Variants in GPC6 observed in about 807,000 individuals in gnomAD.
The protein encoded by GPC6 is glypican-6.
A neutral mutation model predicts 55.2 loss-of-function variants in GPC6; 14 were observed. That is an observed-to-expected ratio of 0.25 (90% confidence interval 0.17 to 0.40). GPC6 has a LOEUF of 0.40. Ranked by LOEUF, GPC6 falls within the 10% of genes least tolerant of loss-of-function variation. GPC6 has a pLI of 1.00. For missense variants in GPC6, 641 were observed against 708.5 expected (o/e 0.90, Z 1.08); for synonymous variants, 278 against 259.6 (o/e 1.07, Z -0.68).
chr13:93,309,590 T>C (rs971113241), intron 1 of GPC6, among the ~76,000 whole-genome samples: 3 of 152,208 alleles, frequency 2.0e-5, no homozygotes, highest in Admixed American at 2.0e-4. Flanking sequence ...TTAAAGTATA[T>C]ACACTTTAGT....
chr13:93,322,085 A>C (rs75587549), intron 1 of GPC6, among the ~76,000 whole-genome samples: 2,416 of 152,328 alleles, frequency 0.016, 65 homozygotes, highest in African/African-American at 0.055. Flanking sequence ...TACATGCCCC[A>C]AATTGTTATT....
At chr13:93,773,258 A>G (rs1355764467) in intron 2 of GPC6, among the ~76,000 whole-genome samples, 1 of 152,202 alleles carries the variant, frequency 6.6e-6, no homozygotes, top group African/African-American at 2.4e-5. Flanking sequence ...ACTCTCTTTA[A>G]TAATACAATG....
intron 2 of GPC6, among the ~76,000 whole-genome samples, chr13:93,676,129 ATATATAT>A (rs1881605979): frequency 4.1e-3 from 30 of 7,230 alleles, no homozygotes; most frequent in East Asian, 0.015. Context: ...AAAAAAAAAT[ATATATAT>A]ATATATATAT....
chr13:93,989,930 A>ATG (rs1555346861), intron 3 of GPC6, among the ~76,000 whole-genome samples: 36 of 103,354 alleles, frequency 3.5e-4, no homozygotes, highest in South Asian at 1.8e-3. Flanking sequence ...ATATATATAT[A>ATG]TGTATATATA....
chr13:93,708,301 T>A (rs959398634), intron 2 of GPC6, among the ~76,000 whole-genome samples: 1 of 151,826 alleles, frequency 6.6e-6, no homozygotes, highest in African/African-American at 2.4e-5. Flanking sequence ...ATTTTCAATG[T>A]ACTGGCATAT....
chr13:94,329,010 AG>A (rs1877274872), intron 6 of GPC6, among the ~76,000 whole-genome samples: 1 of 152,124 alleles, frequency 6.6e-6, no homozygotes, highest in Non-Finnish European at 1.5e-5. Flanking sequence ...TCAACTCTGG[AG>A]CTCCTGAGGA....
intron 2 of GPC6, among the ~76,000 whole-genome samples, chr13:93,756,827 T>C (rs1389126156): frequency 1.3e-5 from 2 of 152,158 alleles, no homozygotes; most frequent in Non-Finnish European, 2.9e-5. Flanking sequence ...AGAGGCTTGA[T>C]AGGGAGTGGG....
At chr13:93,898,566 C>G (rs1043641634) in intron 3 of GPC6, among the ~76,000 whole-genome samples, 3 of 152,086 alleles carry the variant, frequency 2.0e-5, no homozygotes, top group Admixed American at 2.0e-4. Flanking sequence ...ATTTAGGAGA[C>G]TCTGAAGCCA....
At chr13:93,548,046 A>C (rs1160915773) in intron 2 of GPC6, among the ~76,000 whole-genome samples, 4 of 152,198 alleles carry the variant, frequency 2.6e-5, no homozygotes, top group Non-Finnish European at 4.4e-5. Context: ...GTGAGCACAA[A>C]AGAAGTATCT....
intron 4 of GPC6, among the ~76,000 whole-genome samples, chr13:94,207,293 G>A (rs1246602417): frequency 6.6e-6 from 1 of 152,028 alleles, no homozygotes; most frequent in Non-Finnish European, 1.5e-5. Context: ...GACAAATCCT[G>A]GGTACATTTA....
intron 1 of GPC6, among the ~76,000 whole-genome samples, chr13:93,313,023 G>T (rs9524011): frequency 6.6e-6 from 1 of 152,244 alleles, no homozygotes; most frequent in East Asian, 1.9e-4. Context: ...ATGTGTTCTA[G>T]GTAATGAAGT....
At chr13:93,301,911 A>G (rs1878695499) in intron 1 of GPC6, among the ~76,000 whole-genome samples, 1 of 152,230 alleles carries the variant, frequency 6.6e-6, no homozygotes, top group Non-Finnish European at 1.5e-5. Context: ...ATTATTTGGC[A>G]TAATGACGAG....
intron 1 of GPC6, among the ~76,000 whole-genome samples, chr13:93,504,602 C>T (rs1209037835): frequency 1.4e-5 from 2 of 147,936 alleles, no homozygotes; most frequent in African/African-American, 2.5e-5. Flanking sequence ...AGTAAAGGTA[C>T]TTTATTAGTA....
At chr13:93,959,494 C>T (rs1879669196) in intron 3 of GPC6, among the ~76,000 whole-genome samples, 1 of 152,086 alleles carries the variant, frequency 6.6e-6, no homozygotes, top group African/African-American at 2.4e-5. Context: ...TTCTTCTTAC[C>T]CAATTGCTCT....
intron 2 of GPC6, among the ~76,000 whole-genome samples, chr13:93,668,651 C>T (rs1881237987): frequency 6.6e-6 from 1 of 152,138 alleles, no homozygotes; most frequent in Admixed American, 6.5e-5. Context: ...TAGAGTGGTG[C>T]AGCCACAGGC....
intron 1 of GPC6, among the ~76,000 whole-genome samples, chr13:93,319,653 A>G (rs1879365399): frequency 6.6e-6 from 1 of 152,142 alleles, no homozygotes; most frequent in South Asian, 2.1e-4. Context: ...AAAGAGCAGA[A>G]CAAATAAAAT....
At chr13:94,385,706 C>T (rs1438695285) in intron 7 of GPC6, among the ~76,000 whole-genome samples, 6 of 151,828 alleles carry the variant, frequency 4.0e-5, no homozygotes, top group African/African-American at 1.2e-4. Flanking sequence ...AATGGATCAC[C>T]AATAAAGACT....
chr13:93,581,428 G>A (rs544133649), intron 2 of GPC6, among the ~76,000 whole-genome samples: 7 of 152,210 alleles, frequency 4.6e-5, no homozygotes, highest in Admixed American at 2.0e-4. Flanking sequence ...TAAAATCTCC[G>A]CCAGGTATTG....
intron 6 of GPC6, among the ~76,000 whole-genome samples, chr13:94,365,703 T>A (rs1879256413): frequency 6.6e-6 from 1 of 152,216 alleles, no homozygotes; most frequent in African/African-American, 2.4e-5. Flanking sequence ...TGTGTGTACA[T>A]CCTTGTGGGT....
Sources: gnomAD v4.1 joint callset for allele counts (sites outside exome capture counted in the v4.1 genomes callset) on GRCh38, gnomAD v4.1.1 for gene constraint, MANE v1.5 for transcripts, NCBI Gene and HGNC (gene_info 2026-07-23, HGNC 2026-07-21) for gene names.